Variants in SLC44A5 observed in about 807,000 individuals in gnomAD.
SLC44A5 encodes solute carrier family 44 member 5.
Under a neutral mutation model 101.8 loss-of-function variants are expected in SLC44A5, and 57 were observed. That is an observed-to-expected ratio of 0.56 (90% confidence interval 0.45 to 0.70). SLC44A5 has a LOEUF of 0.70. SLC44A5 is among the 30% of genes least tolerant of loss of function. The pLI, the probability that SLC44A5 is intolerant of heterozygous loss-of-function variation, is 0.00. For synonymous variants in SLC44A5, 281 were observed against 290.9 expected (o/e 0.97, Z 0.35); for missense variants, 737 against 853.1 (o/e 0.86, Z 1.70).
chr1:75,627,257 T>G, the SLC44A5 span, among the ~76,000 whole-genome samples: 2 of 152,184 alleles, frequency 1.3e-5, no homozygotes, highest in Non-Finnish European at 2.9e-5. Context: ...GTTGAGATTT[T>G]GTCTTAGTCA....
intron 1 of SLC44A5, among the ~76,000 whole-genome samples, chr1:75,597,387 T>C (rs1285248068): frequency 6.6e-6 from 1 of 152,106 alleles, no homozygotes; most frequent in Non-Finnish European, 1.5e-5. Context: ...AAGCAACTTA[T>C]AAATTCAATG....
chr1:75,477,369 C>A (rs1166262339), intron 2 of SLC44A5, among the ~76,000 whole-genome samples: 4 of 152,226 alleles, frequency 2.6e-5, no homozygotes, highest in African/African-American at 9.7e-5. Context: ...CAAAGGAACG[C>A]AGTTCCTCAC....
the SLC44A5 span, chr1:75,641,603 T>C: frequency 6.7e-7 from 1 of 1,500,418 alleles, no homozygotes. Flanking sequence ...ATTACATTCT[T>C]TGGGATTATT....
chr1:75,206,629 A>G lies in SLC44A5; in HGVS notation c.2048-2796T>C, dbSNP rs755624816. 4.9e-5 allele frequency: 79 copies of G among 1,610,004 alleles called. No individual in the cohort carries two copies. The highest frequency in any genetic ancestry group is 6.5e-5 in the Non-Finnish European group (77 of 1,176,660). The stretch of plus-strand genomic sequence containing the variant: ...TTTCTACTCTTTCTGCTTCTGGGGA[A>G]CTAGTTGCTTCTTGATCAGAATTCC... On this transcript the variant is annotated intron_variant, in intron 23 of 23. Coordinates refer to ENST00000370859, the MANE Select transcript of SLC44A5 (RefSeq NM_001130058.2).
chr1:75,533,424 C>T (rs1287019128), intron 2 of SLC44A5, among the ~76,000 whole-genome samples: 1 of 152,032 alleles, frequency 6.6e-6, no homozygotes, highest in Admixed American at 6.6e-5. Flanking sequence ...TACAAATAAC[C>T]CATTAAGGCT....
intron 1 of SLC44A5, among the ~76,000 whole-genome samples, chr1:75,561,629 A>G (rs1672523155): frequency 1.3e-5 from 2 of 152,194 alleles, no homozygotes; most frequent in African/African-American, 4.8e-5. Flanking sequence ...TAAAATTAAA[A>G]GGAAAATAAA....
the SLC44A5 span, among the ~76,000 whole-genome samples, chr1:75,721,224 A>T: frequency 2.0e-5 from 3 of 152,172 alleles, no homozygotes; most frequent in Non-Finnish European, 2.9e-5. Flanking sequence ...CTAGCCTACG[A>T]GAAAGTCCAT....
intron 23 of SLC44A5, among the ~76,000 whole-genome samples, chr1:75,210,506 C>T (rs1195440486): frequency 7.2e-5 from 11 of 152,130 alleles, no homozygotes; most frequent in African/African-American, 7.2e-5. Flanking sequence ...CACTCCTCTC[C>T]GAATCCTATC....
chr1:75,461,138 T>C (rs913587839), intron 2 of SLC44A5, among the ~76,000 whole-genome samples: 2 of 152,162 alleles, frequency 1.3e-5, no homozygotes, highest in African/African-American at 4.8e-5. Flanking sequence ...TTTACAAAGA[T>C]TATATAGCAA....
intron 3 of SLC44A5, among the ~76,000 whole-genome samples, chr1:75,376,789 C>T (rs1165039334): frequency 7.2e-5 from 11 of 152,318 alleles, no homozygotes; most frequent in South Asian, 2.1e-4. Context: ...TCCAAAGGAA[C>T]GCAGTTCCTC....
intron 22 of SLC44A5, among the ~76,000 whole-genome samples, chr1:75,211,878 C>A (rs999966648): frequency 7.0e-6 from 1 of 143,124 alleles, no homozygotes; most frequent in Non-Finnish European, 1.5e-5. Flanking sequence ...CCCTTCCTCC[C>A]TTCCTTCCTT....
At chr1:75,491,999 A>G (rs1668450787) in intron 2 of SLC44A5, among the ~76,000 whole-genome samples, 1 of 152,174 alleles carries the variant, frequency 6.6e-6, no homozygotes, top group African/African-American at 2.4e-5. Context: ...TAGTGACTTC[A>G]AGGTGTTAAA....
chr1:75,503,803 G>C (rs1669096903), intron 2 of SLC44A5, among the ~76,000 whole-genome samples: 1 of 152,104 alleles, frequency 6.6e-6, no homozygotes, highest in Non-Finnish European at 1.5e-5. Flanking sequence ...ATAATACTCG[G>C]TCAGGCTAAT....
chr1:75,478,164 T>C (rs1667558591), intron 2 of SLC44A5, among the ~76,000 whole-genome samples: 2 of 152,168 alleles, frequency 1.3e-5, no homozygotes, highest in South Asian at 2.1e-4. Flanking sequence ...GCTTCATAAG[T>C]GAAGGAGAAA....
intron 14 of SLC44A5, among the ~76,000 whole-genome samples, chr1:75,220,862 T>C (rs531497120): frequency 2.6e-5 from 4 of 152,310 alleles, no homozygotes; most frequent in Admixed American, 6.5e-5. Flanking sequence ...CTTTTCTCCA[T>C]ACACTGCTAA....
chr1:75,257,774 G>A (rs1650136303), intron 6 of SLC44A5, among the ~76,000 whole-genome samples: 1 of 152,054 alleles, frequency 6.6e-6, no homozygotes, highest in South Asian at 2.1e-4. Flanking sequence ...GGCTAAATAG[G>A]AACAGCTCTG....
intron 2 of SLC44A5, among the ~76,000 whole-genome samples, chr1:75,541,058 TAA>T (rs1306673393): frequency 6.6e-6 from 1 of 152,142 alleles, no homozygotes; most frequent in Non-Finnish European, 1.5e-5. Flanking sequence ...CTGTTAAAAC[TAA>T]AAGATTCTGG....
At chr1:75,242,800 T>C in intron 8 of SLC44A5, 86 bp downstream of exon 8, 1 of 1,428,582 alleles carries the variant, frequency 7.0e-7, no homozygotes, top group Non-Finnish European at 9.4e-7. Flanking sequence ...ATTTGGGAGC[T>C]TGTTCAGTAA....
intron 3 of SLC44A5, among the ~76,000 whole-genome samples, chr1:75,392,966 A>G (rs1661892909): frequency 6.6e-6 from 1 of 152,156 alleles, no homozygotes; most frequent in Non-Finnish European, 1.5e-5. Flanking sequence ...ACATACAGAC[A>G]TAAACATGGG....
Sources: allele counts gnomAD v4.1 joint callset (sites outside exome capture counted in the v4.1 genomes callset), GRCh38; gene constraint gnomAD v4.1.1; transcripts MANE v1.5; gene names NCBI Gene and HGNC (gene_info 2026-07-23, HGNC 2026-07-21).